DPP10: variants seen among roughly 807,000 people sequenced by gnomAD.
DPP10 encodes dipeptidyl peptidase like 10.
Under a neutral mutation model 120.9 loss-of-function variants are expected in DPP10, and 33 were observed. That is an observed-to-expected ratio of 0.27 (90% CI 0.21 to 0.37). The LOEUF (loss-of-function observed/expected upper bound fraction) is 0.37, where lower values mean the gene tolerates loss of function less well. Ranked by LOEUF, DPP10 falls within the 10% of genes least tolerant of loss-of-function variation. DPP10 has a pLI of 1.00. For synonymous variants in DPP10, 337 were observed against 326.1 expected (o/e 1.03, Z -0.36); for missense variants, 816 against 942.8 (o/e 0.87, Z 1.76).
At chr2:114,874,079 T>A (rs1275430137) in intron 1 of DPP10, among the ~76,000 whole-genome samples, 1 of 152,206 alleles carries the variant, frequency 6.6e-6, no homozygotes, top group Non-Finnish European at 1.5e-5. Context: ...ATTTCTGGCA[T>A]GTTTGAAACA....
intron 3 of DPP10, among the ~76,000 whole-genome samples, chr2:115,484,178 A>G (rs1242703046): frequency 6.6e-6 from 1 of 151,316 alleles, no homozygotes; most frequent in South Asian, 2.1e-4. Flanking sequence ...GCACACATAC[A>G]TGTGCACATA....
chr2:115,236,397 T>C (rs924636621), intron 1 of DPP10, among the ~76,000 whole-genome samples: 51 of 152,340 alleles, frequency 3.3e-4, no homozygotes, highest in African/African-American at 1.2e-3. Flanking sequence ...CCAATAGTTA[T>C]CTTGTTTATT....
chr2:115,099,702 T>C (rs2048585939), intron 1 of DPP10, among the ~76,000 whole-genome samples: 1 of 152,184 alleles, frequency 6.6e-6, no homozygotes, highest in South Asian at 2.1e-4. Flanking sequence ...TCATACACAA[T>C]GGTCCCTCAT....
intron 1 of DPP10, among the ~76,000 whole-genome samples, chr2:115,218,622 A>T (rs937141246): frequency 2.6e-5 from 4 of 151,952 alleles, no homozygotes; most frequent in Non-Finnish European, 5.9e-5. Flanking sequence ...TTCATTTAAA[A>T]TTTTTTCTTT....
chr2:115,537,858 G>A (rs2078951684), intron 5 of DPP10, among the ~76,000 whole-genome samples: 1 of 151,906 alleles, frequency 6.6e-6, no homozygotes, highest in African/African-American at 2.4e-5. Context: ...GGCTGAGCTG[G>A]GAGCTATACT....
chr2:115,491,153 A>C (rs1176462418), intron 3 of DPP10, among the ~76,000 whole-genome samples: 3 of 152,016 alleles, frequency 2.0e-5, no homozygotes, highest in African/African-American at 7.2e-5. Context: ...AACCTCCCCC[A>C]AAAAACCCAT....
At chr2:114,749,436 C>T (rs1678971750) in intron 1 of DPP10, among the ~76,000 whole-genome samples, 1 of 152,068 alleles carries the variant, frequency 6.6e-6, no homozygotes, top group East Asian at 1.9e-4. Flanking sequence ...ACCTTTCTTG[C>T]CCAATGACTG....
At chr2:115,220,741 A>T (rs2057106526) in intron 1 of DPP10, among the ~76,000 whole-genome samples, 1 of 152,154 alleles carries the variant, frequency 6.6e-6, no homozygotes. Context: ...AAAACAAATC[A>T]CTACTGTGCC....
intron 1 of DPP10, among the ~76,000 whole-genome samples, chr2:114,718,086 C>G (rs925019882): frequency 1.4e-5 from 2 of 142,348 alleles, no homozygotes; most frequent in African/African-American, 2.6e-5. Context: ...AAAATAATAA[C>G]AAAAAAAAAA....
At chr2:115,582,431 T>G (rs2082052325) in intron 5 of DPP10, among the ~76,000 whole-genome samples, 1 of 152,170 alleles carries the variant, frequency 6.6e-6, no homozygotes, top group South Asian at 2.1e-4. Flanking sequence ...CAGCTTCAGG[T>G]GTTTCCCATC....
chr2:115,606,180 T>C (rs72945973), intron 5 of DPP10, among the ~76,000 whole-genome samples: 2,818 of 152,262 alleles, frequency 0.019, 93 homozygotes, highest in African/African-American at 0.064. Flanking sequence ...TGCTCAGTAA[T>C]GTTTGTTTTT....
intron 5 of DPP10, among the ~76,000 whole-genome samples, chr2:115,565,886 A>C (rs1156903836): frequency 6.6e-6 from 1 of 151,506 alleles, no homozygotes; most frequent in African/African-American, 2.4e-5. Context: ...CCCGGGTTCA[A>C]GTGATTCTCC....
intron 3 of DPP10, among the ~76,000 whole-genome samples, chr2:115,446,494 T>C (rs899517429): frequency 3.3e-5 from 5 of 152,172 alleles, no homozygotes; most frequent in African/African-American, 9.6e-5. Context: ...TATTTTTTAA[T>C]ATAAACCTGA....
intron 5 of DPP10, among the ~76,000 whole-genome samples, chr2:115,539,744 G>A (rs997060320): frequency 1.3e-5 from 2 of 150,458 alleles, no homozygotes; most frequent in African/African-American, 4.9e-5. Flanking sequence ...TTTTTGAAAA[G>A]TATCAAATAT....
intron 1 of DPP10, among the ~76,000 whole-genome samples, chr2:115,266,223 T>C (rs1161772503): frequency 6.6e-6 from 1 of 152,228 alleles, no homozygotes; most frequent in Non-Finnish European, 1.5e-5. Flanking sequence ...TTATGTATTA[T>C]ATCTGAACAT....
intron 1 of DPP10, among the ~76,000 whole-genome samples, chr2:114,659,032 T>A (rs1213871132): frequency 6.6e-6 from 1 of 152,240 alleles, no homozygotes; most frequent in East Asian, 1.9e-4. Flanking sequence ...TCCTACACAC[T>A]CTCTCTTCTC....
At chr2:114,589,511 G>A (rs1415175346) in intron 1 of DPP10, among the ~76,000 whole-genome samples, 1 of 152,130 alleles carries the variant, frequency 6.6e-6, no homozygotes, top group Non-Finnish European at 1.5e-5. Context: ...AAGTGCTCAT[G>A]GTAAGCATAT....
intron 1 of DPP10, among the ~76,000 whole-genome samples, chr2:115,120,670 C>T (rs964954401): frequency 6.6e-6 from 1 of 152,158 alleles, no homozygotes; most frequent in Non-Finnish European, 1.5e-5. Context: ...ATAACCTTTA[C>T]AATTTTACAT....
At chr2:114,726,739 C>A (rs1334326244) in intron 1 of DPP10, among the ~76,000 whole-genome samples, 1 of 152,100 alleles carries the variant, frequency 6.6e-6, no homozygotes, top group Non-Finnish European at 1.5e-5. Context: ...CAACTGAATG[C>A]CCTTTAAGCA....
Sources: allele counts gnomAD v4.1 joint callset (sites outside exome capture counted in the v4.1 genomes callset), GRCh38; gene constraint gnomAD v4.1.1; transcripts MANE v1.5; gene names NCBI Gene and HGNC (gene_info 2026-07-23, HGNC 2026-07-21).